The following TBC1D22A variants were observed in gnomAD, a reference collection of about 807,000 sequenced individuals.
TBC1D22A encodes TBC1 domain family member 22A.
A neutral mutation model predicts 60.2 loss-of-function variants in TBC1D22A; 38 were observed. The ratio of observed to expected loss-of-function variants is 0.63; its 90% confidence interval spans 0.49 to 0.83. The LOEUF (loss-of-function observed/expected upper bound fraction) is 0.83. TBC1D22A is among the 40% of genes least tolerant of loss of function. The pLI, the probability that TBC1D22A is intolerant of heterozygous loss-of-function variation, is 0.00. For synonymous variants in TBC1D22A, 302 were observed against 281.7 expected (o/e 1.07, Z -0.72); for missense variants, 628 against 701.0 (o/e 0.90, Z 1.18).
intron 9 of TBC1D22A, among the ~76,000 whole-genome samples, 160 bp downstream of exon 9, chr22:46,974,559 C>A (rs780473266): frequency 6.6e-6 from 1 of 152,178 alleles, no homozygotes; most frequent in African/African-American, 2.4e-5. Flanking sequence ...TCCGGGTTGA[C>A]GAGGGGTGAG....
At chr22:47,041,269 G>A (rs1603127397) in intron 11 of TBC1D22A, among the ~76,000 whole-genome samples, 1 of 152,138 alleles carries the variant, frequency 6.6e-6, no homozygotes, top group South Asian at 2.1e-4. Context: ...CACTGCCCGC[G>A]CTCCTCACGC....
intron 11 of TBC1D22A, among the ~76,000 whole-genome samples, chr22:47,065,296 A>G (rs2063714922): frequency 1.3e-5 from 2 of 152,248 alleles, no homozygotes; most frequent in Admixed American, 6.5e-5. Context: ...TGCCCGGCCT[A>G]AGGCTTTTTT....
intron 10 of TBC1D22A, among the ~76,000 whole-genome samples, chr22:47,019,195 C>T (rs1345161377): frequency 1.3e-5 from 2 of 152,206 alleles, no homozygotes; most frequent in African/African-American, 2.4e-5. Context: ...CTGGGTGGAG[C>T]GGGCAGCACC....
chr22:46,861,282 C>T (rs993523128), intron 4 of TBC1D22A, among the ~76,000 whole-genome samples: 5 of 152,088 alleles, frequency 3.3e-5, no homozygotes, highest in Non-Finnish European at 7.4e-5. Flanking sequence ...AATGACTTAA[C>T]AGTTAATTGT....
intron 4 of TBC1D22A, among the ~76,000 whole-genome samples, chr22:46,850,466 T>C (rs1457519846): frequency 1.3e-5 from 2 of 152,208 alleles, no homozygotes; most frequent in African/African-American, 4.8e-5. Context: ...AATGTTCCAG[T>C]TGTACCCACT....
chr22:47,143,704 TG>T (rs1235581873), intron 12 of TBC1D22A, among the ~76,000 whole-genome samples: 1 of 152,166 alleles, frequency 6.6e-6, no homozygotes, highest in Non-Finnish European at 1.5e-5. Context: ...CTCTGACGGG[TG>T]CCTAGTAGCT....
At chr22:46,806,597 T>G (rs2085151467) in intron 4 of TBC1D22A, among the ~76,000 whole-genome samples, 1 of 151,674 alleles carries the variant, frequency 6.6e-6, no homozygotes, top group Admixed American at 6.6e-5. Flanking sequence ...TTAAAAAAAG[T>G]ATGGCCACAG....
At chr22:46,937,265 C>T (rs1189337558) in intron 8 of TBC1D22A, among the ~76,000 whole-genome samples, 4 of 152,268 alleles carry the variant, frequency 2.6e-5, no homozygotes, top group African/African-American at 9.6e-5. Flanking sequence ...ACCACATGGA[C>T]CCACCGCATC....
At chr22:47,084,775 A>G (rs898657732) in intron 11 of TBC1D22A, among the ~76,000 whole-genome samples, 2 of 152,224 alleles carry the variant, frequency 1.3e-5, no homozygotes, top group Non-Finnish European at 2.9e-5. Context: ...TCAAAACCAG[A>G]AGAAAACAAG....
chr22:47,076,687 A>G (rs578030159), intron 11 of TBC1D22A, among the ~76,000 whole-genome samples: 26 of 151,980 alleles, frequency 1.7e-4, no homozygotes, highest in African/African-American at 6.3e-4. Flanking sequence ...CCTGACCTCC[A>G]TTATTGGTCT....
rs114449847 is a variant in TBC1D22A at position 46,943,880 on chromosome 22, C to T, written c.1016-30410C>T. ...TGAGGTTCGCCGGTATTGTAGCACG[C>T]GTCAGTACTCCGGTCCTTTTTATGG... On this transcript the variant is annotated intron_variant, in intron 8 of 12. Transcript: ENST00000337137. Among the ~76,000 whole-genome samples the T allele has an allele frequency of 4.9e-3, 746 of 152,294 alleles. 6 individuals carry two copies. The highest frequency in any genetic ancestry group is 0.017 in the African/African-American group (706 of 41,548).
In TBC1D22A at chr22:46,793,621, GCTC is replaced by G; in HGVS notation, c.243_245del (p.Leu82del). On this transcript the variant is annotated inframe_deletion, in exon 3 of 13. Coordinates refer to ENST00000337137, the MANE Select transcript of TBC1D22A (RefSeq NM_014346.5). ...GGGACGCTGGGGAGGACGACGATGA[GCTC>G]CTGGCCATGGCGGCGGAGAGCCTGA... 1.2e-6 allele frequency: 2 copies of G among 1,613,896 alleles called. No homozygotes were observed. Among genetic ancestry groups the G allele is most frequent in the South Asian group, 1.1e-5 (1 of 91,082 alleles).
chr22:46,912,003 T>C (rs1486780850), intron 7 of TBC1D22A, 71 bp from the exon 8 acceptor site: 1 of 965,682 alleles, frequency 1.0e-6, no homozygotes, highest in Non-Finnish European at 1.7e-6. Context: ...TTTTAAGTAA[T>C]AGAATGCTTT....
At position 46,990,254 on chromosome 22, in the gene TBC1D22A, A is replaced by G. The variant is rs908575723; in HGVS notation, c.1126-7380A>G. Among the ~76,000 whole-genome samples, 2 of 152,044 alleles carry G rather than the reference A, an allele frequency of 1.3e-5. No homozygotes were observed. ...TTATACGGTTGGGGTTTAGGTTGCC[A>G]TTTTCCTATTTACTTTCATCTTTTC... is the stretch of plus-strand genomic sequence containing the variant. On this transcript the variant is annotated intron_variant, in intron 9 of 12. Transcript: ENST00000337137. The surrounding 1 kb of genome is among the most constrained non-coding windows in gnomAD (Gnocchi z 4.6).
intron 4 of TBC1D22A, among the ~76,000 whole-genome samples, chr22:46,849,713 G>A (rs1039022848): frequency 6.6e-6 from 1 of 152,238 alleles, no homozygotes; most frequent in South Asian, 2.1e-4. Flanking sequence ...TGCAGCTTTT[G>A]GGGAGTCTTC....
At chr22:46,904,030 A>T (rs558747795) in intron 7 of TBC1D22A, among the ~76,000 whole-genome samples, 1 of 151,994 alleles carries the variant, frequency 6.6e-6, no homozygotes, top group Admixed American at 6.6e-5. Flanking sequence ...GAAAAAAATG[A>T]TATGAAATCT....
intron 8 of TBC1D22A, among the ~76,000 whole-genome samples, chr22:46,930,135 G>C (rs2071273368): frequency 6.6e-6 from 1 of 152,138 alleles, no homozygotes; most frequent in African/African-American, 2.4e-5. Context: ...GCCTGTCTTT[G>C]GGACCTTGCT....
intron 4 of TBC1D22A, among the ~76,000 whole-genome samples, chr22:46,847,728 T>C (rs2087066833): frequency 1.3e-5 from 2 of 152,314 alleles, no homozygotes; most frequent in Middle Eastern, 3.4e-3. Flanking sequence ...AACAACCCTG[T>C]AGTAGAGGCA....
chr22:47,008,504 T>C (rs568414922), intron 10 of TBC1D22A, among the ~76,000 whole-genome samples: 1 of 152,320 alleles, frequency 6.6e-6, no homozygotes, highest in East Asian at 1.9e-4. Flanking sequence ...TGGATCCACA[T>C]TTCAGGACCA....
Sources: allele counts gnomAD v4.1 joint callset (sites outside exome capture counted in the v4.1 genomes callset), GRCh38; gene constraint gnomAD v4.1.1; non-coding constraint Gnocchi (gnomAD v3.1); transcripts MANE v1.5; gene names NCBI Gene and HGNC (gene_info 2026-07-23, HGNC 2026-07-21).